LRRC7: variants seen among roughly 807,000 people sequenced by gnomAD.
LRRC7 encodes leucine rich repeat containing 7.
LRRC7 carries 23 observed loss-of-function variants against 175.7 expected under a neutral mutation model. That is an observed-to-expected ratio of 0.13 (90% CI 0.09 to 0.19). LRRC7 has a LOEUF of 0.19. Ranked by LOEUF, LRRC7 falls within the 10% of genes least tolerant of loss-of-function variation. The pLI, the probability that LRRC7 is intolerant of heterozygous loss-of-function variation, is 1.00. For missense variants in LRRC7, 1,354 were observed against 1,904.7 expected (o/e 0.71, Z 5.38); for synonymous variants, 685 against 680.9 (o/e 1.01, Z -0.09).
chr1:70,121,386 T>G (rs1666198161), intron 26 of LRRC7, among the ~76,000 whole-genome samples: 1 of 152,100 alleles, frequency 6.6e-6, no homozygotes, highest in Admixed American at 6.5e-5. Flanking sequence ...TTGGTCATGC[T>G]GATTAGTTTA....
chr1:69,792,233 C>A, intron 4 of LRRC7, 73 bp downstream of exon 4: 2 of 828,004 alleles, frequency 2.4e-6, no homozygotes, highest in South Asian at 1.6e-5. Context: ...CTTCTCTTAG[C>A]AAATAATCTA....
rs191601209 is a variant in LRRC7, at chr1:69,981,116, C to T, written c.786+663C>T. On this transcript the variant is annotated intron_variant, in intron 9 of 26. Transcript: ENST00000651989. The stretch of plus-strand genomic sequence containing the variant: ...AACGCTGCCCCTTGCCACTTGCATA[C>T]ACACACACACACCAAGAGAGAGAGA... Among the ~76,000 whole-genome samples the T allele has an allele frequency of 6.6e-5, 10 of 151,710 alleles. No individual in the cohort carries two copies. In the East Asian group the frequency reaches 1.7e-3, roughly 26 times the overall value.
intron 7 of LRRC7, among the ~76,000 whole-genome samples, chr1:69,908,073 T>C (rs559499826): frequency 1.8e-4 from 27 of 152,356 alleles, no homozygotes; most frequent in African/African-American, 6.3e-4. Flanking sequence ...TATTCTCTGA[T>C]GGTAATTTGT....
rs1458202921 is a variant in LRRC7 at position 69,666,762 on chromosome 1, T to A, written c.3-11619T>A. Among the ~76,000 whole-genome samples, 3 of 152,034 alleles carry A rather than the reference T, an allele frequency of 2.0e-5. No individual in the cohort carries two copies. In the East Asian group the frequency reaches 5.8e-4, roughly 29 times the overall value. ...TGTTTGCTTTTTCAAAAAAAAATTA[T>A]TTTTTTCATTGATATTTCATATTGT... On this transcript the variant is annotated intron_variant, in intron 1 of 26. Transcript: ENST00000651989.
intron 26 of LRRC7, among the ~76,000 whole-genome samples, chr1:70,116,273 C>T (rs1665841797): frequency 6.6e-6 from 1 of 152,126 alleles, no homozygotes; most frequent in Admixed American, 6.5e-5. Flanking sequence ...TCTTGCTGGG[C>T]GCGGTGGCTC....
At chr1:69,771,170 A>G (rs1253229304) in intron 3 of LRRC7, among the ~76,000 whole-genome samples, 1 of 152,076 alleles carries the variant, frequency 6.6e-6, no homozygotes, top group Admixed American at 6.6e-5. Flanking sequence ...TTTAATTGCA[A>G]TTATTTTGGC....
intron 1 of LRRC7, among the ~76,000 whole-genome samples, chr1:69,658,361 C>A (rs557743486): frequency 1.3e-5 from 2 of 151,982 alleles, no homozygotes; most frequent in African/African-American, 4.8e-5. Context: ...GCACTAAACA[C>A]CCTGAAAGTA....
At chr1:69,776,732 G>C (rs1161753439) in intron 3 of LRRC7, among the ~76,000 whole-genome samples, 1 of 148,996 alleles carries the variant, frequency 6.7e-6, no homozygotes, top group Non-Finnish European at 1.5e-5. Context: ...TGTGTGGGTG[G>C]GTGTGTCTGT....
intron 3 of LRRC7, among the ~76,000 whole-genome samples, chr1:69,778,718 T>C (rs954629232): frequency 3.9e-5 from 6 of 152,130 alleles, no homozygotes; most frequent in African/African-American, 1.4e-4. Context: ...CCAAAGTTTA[T>C]AATCTACTGA....
intron 7 of LRRC7, among the ~76,000 whole-genome samples, chr1:69,860,859 T>C (rs1449646930): frequency 6.6e-6 from 1 of 152,102 alleles, no homozygotes; most frequent in African/African-American, 2.4e-5. Context: ...AAGTGTTATC[T>C]CTTCCCAAAT....
intron 26 of LRRC7, among the ~76,000 whole-genome samples, chr1:70,118,051 CTCT>C (rs1045409645): frequency 4.1e-4 from 58 of 141,266 alleles, no homozygotes; most frequent in African/African-American, 1.1e-3. Context: ...TTTCCTCAGC[CTCT>C]TCTTCTATGC....
At chr1:69,866,492 G>A (rs558005708) in intron 7 of LRRC7, among the ~76,000 whole-genome samples, 2 of 152,250 alleles carry the variant, frequency 1.3e-5, no homozygotes, top group Non-Finnish European at 2.9e-5. Flanking sequence ...GAATCTGATG[G>A]CATTCAGACT....
chr1:69,787,572 C>A (rs1674618197), intron 3 of LRRC7, among the ~76,000 whole-genome samples: 1 of 152,228 alleles, frequency 6.6e-6, no homozygotes, highest in African/African-American at 2.4e-5. Flanking sequence ...GCAGGCTCAA[C>A]ACCAAGTGGA....
At chr1:69,748,242 G>A (rs1249465837) in intron 2 of LRRC7, among the ~76,000 whole-genome samples, 1 of 152,140 alleles carries the variant, frequency 6.6e-6, no homozygotes, top group Non-Finnish European at 1.5e-5. Flanking sequence ...CTATAGTTAT[G>A]ATTGAAGAAT....
chr1:69,638,528 T>C (rs1653733362), intron 1 of LRRC7, among the ~76,000 whole-genome samples: 1 of 151,728 alleles, frequency 6.6e-6, no homozygotes, highest in African/African-American at 2.4e-5. Flanking sequence ...ATGGATGAAA[T>C]AGAGGATTAG....
In LRRC7 at chr1:69,993,051, A is replaced by G. The variant is rs371039017; in HGVS notation, c.932-1510A>G. ...GTCACAAAAAACTTAGCTATAAGTC[A>G]TACTTTCCTGTTTTCTTTCCACAAC... On this transcript the variant is annotated intron_variant, in intron 10 of 26. Transcript: ENST00000651989. 7.2e-5 allele frequency among the ~76,000 whole-genome samples: 11 copies of G among 152,186 alleles called. 1 individual carries two copies. The highest frequency in any genetic ancestry group is 5.9e-4 in the Admixed American group (9 of 15,264).
rs1659575196 is a variant in LRRC7, at chr1:70,038,700, G to A, written c.2876G>A (p.Gly959Asp). ...QIHCRPESSK[G>D]VISISKSTER... The stretch of plus-strand genomic sequence containing the variant: ...CACTGCCGCCCGGAATCTTCTAAAG[G>A]TGTTATTTCAATTAGCAAAAGCACA... The change falls in exon 21 of 27, where the codon GGT becomes GAT. Residue 959 changes from glycine (G) to aspartate (D), a missense_variant. Gly to Asp is a moderately conservative substitution (Grantham distance 94). Transcript: ENST00000651989. The A allele has an allele frequency of 6.2e-7, 1 of 1,614,030 alleles. No homozygotes were observed. Among genetic ancestry groups the A allele is most frequent in the Admixed American group, 1.7e-5 (1 of 60,010 alleles).
intron 2 of LRRC7, among the ~76,000 whole-genome samples, chr1:69,748,640 A>G (rs1669505974): frequency 6.6e-6 from 1 of 152,162 alleles, no homozygotes; most frequent in Admixed American, 6.5e-5. Flanking sequence ...CTTTGTCTTG[A>G]TAACTGACTC....
chr1:69,584,100 T>C (rs1464165371), intron 1 of LRRC7, among the ~76,000 whole-genome samples: 1 of 152,162 alleles, frequency 6.6e-6, no homozygotes, highest in African/African-American at 2.4e-5. Context: ...AATCGCTTAC[T>C]TCTCTCATCC....
Sources: gnomAD v4.1 joint callset for allele counts (sites outside exome capture counted in the v4.1 genomes callset) on GRCh38, gnomAD v4.1.1 for gene constraint, MANE v1.5 for transcripts, NCBI Gene and HGNC (gene_info 2026-07-23, HGNC 2026-07-21) for gene names.